Variants in DGKI observed in about 807,000 individuals in gnomAD.
The protein encoded by DGKI is DAG kinase iota.
DGKI carries 55 observed loss-of-function variants against 147.5 expected under a neutral mutation model. That is an observed-to-expected ratio of 0.37 (90% CI 0.30 to 0.47). DGKI has a LOEUF of 0.47. Ranked by LOEUF, DGKI falls within the 20% of genes least tolerant of loss-of-function variation. DGKI has a pLI of 1.00. For synonymous variants in DGKI, 469 were observed against 477.1 expected (o/e 0.98, Z 0.22); for missense variants, 1,007 against 1,323.8 (o/e 0.76, Z 3.71).
intron 10 of DGKI, among the ~76,000 whole-genome samples, chr7:137,602,559 A>G (rs1820031048): frequency 6.6e-6 from 1 of 152,228 alleles, no homozygotes; most frequent in Non-Finnish European, 1.5e-5. Flanking sequence ...AGTATCTAAA[A>G]GAAAGCGTTG....
chr7:137,631,214 T>TA (rs1236756891), intron 6 of DGKI, among the ~76,000 whole-genome samples: 2 of 152,220 alleles, frequency 1.3e-5, no homozygotes, highest in Non-Finnish European at 2.9e-5. Context: ...TGTGTAAACA[T>TA]AGACTATTTT....
At chr7:137,425,010 C>T (rs569753533) in intron 28 of DGKI, among the ~76,000 whole-genome samples, 251 of 145,364 alleles carry the variant, frequency 1.7e-3, no homozygotes, top group Non-Finnish European at 3.0e-3. Context: ...CTTAAATGTC[C>T]CTGTCTGACA....
intron 31 of DGKI, among the ~76,000 whole-genome samples, chr7:137,396,587 T>C (rs537791493): frequency 7.9e-5 from 12 of 152,330 alleles, no homozygotes; most frequent in Admixed American, 3.3e-4. Flanking sequence ...TATGGAGTGA[T>C]AGACAGCTTC....
intron 20 of DGKI, among the ~76,000 whole-genome samples, chr7:137,526,124 C>T (rs893481108): frequency 6.6e-6 from 1 of 152,106 alleles, no homozygotes; most frequent in Non-Finnish European, 1.5e-5. Flanking sequence ...GATGACAAAG[C>T]TGTTCTTTGG....
At chr7:137,711,242 T>G (rs1328613316) in intron 1 of DGKI, among the ~76,000 whole-genome samples, 1 of 152,170 alleles carries the variant, frequency 6.6e-6, no homozygotes. Context: ...GGAATTATAC[T>G]CCAGGATATG....
intron 32 of DGKI, among the ~76,000 whole-genome samples, chr7:137,392,017 C>A (rs1811383553): frequency 6.6e-6 from 1 of 152,144 alleles, no homozygotes; most frequent in African/African-American, 2.4e-5. Context: ...TACTAACCTT[C>A]CATTGATAAC....
At chr7:137,627,950 T>C (rs542538841) in intron 6 of DGKI, among the ~76,000 whole-genome samples, 1 of 152,362 alleles carries the variant, frequency 6.6e-6, no homozygotes, top group East Asian at 1.9e-4. Flanking sequence ...TAAGTGGTTA[T>C]AAGCATCAAA....
chr7:137,547,861 C>T (rs2128964169), intron 20 of DGKI, among the ~76,000 whole-genome samples: 1 of 152,286 alleles, frequency 6.6e-6, no homozygotes, highest in Middle Eastern at 3.4e-3. Context: ...AGTAGCATTT[C>T]AATGGGGTCC....
At chr7:137,457,825 C>G (rs1273918298) in intron 27 of DGKI, among the ~76,000 whole-genome samples, 1 of 151,890 alleles carries the variant, frequency 6.6e-6, no homozygotes, top group Non-Finnish European at 1.5e-5. Context: ...GAAGAAAATA[C>G]ACATAGAACA....
At chr7:137,763,181 G>A (rs953366500) in intron 1 of DGKI, among the ~76,000 whole-genome samples, 8 of 152,186 alleles carry the variant, frequency 5.3e-5, no homozygotes, top group African/African-American at 1.9e-4. Context: ...ATTTTTATAG[G>A]CAACAGAATG....
rs10523886 is a variant in DGKI, at chr7:137,642,929, A to AATGTGT, written c.804+2542_804+2543insACACAT. Among the ~76,000 whole-genome samples, 3 of 121,172 alleles carry AATGTGT rather than the reference A, an allele frequency of 2.5e-5. No individual in the cohort carries two copies. The South Asian group carries it at 9.1e-4, about 37-fold the overall frequency. 79.5% of individuals were successfully genotyped at this position (121,172 alleles called of 152,430 possible). A position where few individuals can be genotyped will look rare whatever the true frequency, so the allele number is the denominator to read the frequency against. Reference sequence around the variant, plus strand: ...CATCCCAATGAGTAAATTATGGAATAGTGTGTGTGTGTGTGTGTGTGTGTG... The same window carrying AATGTGT: ...CATCCCAATGAGTAAATTATGGAATAATGTGTGTGTGTGTGTGTGTGTGTGTGTGTG... On this transcript the variant is annotated intron_variant, in intron 6 of 32. Transcript: ENST00000614521.
chr7:137,826,769 C>T (rs758589443), intron 1 of DGKI, among the ~76,000 whole-genome samples: 1 of 152,084 alleles, frequency 6.6e-6, no homozygotes, highest in South Asian at 2.1e-4. Flanking sequence ...AGGGAAAGTG[C>T]CTAGCTCAGA....
chr7:137,777,159 T>G (rs556914807), intron 1 of DGKI, among the ~76,000 whole-genome samples: 2 of 152,238 alleles, frequency 1.3e-5, no homozygotes, highest in Non-Finnish European at 2.9e-5. Context: ...GCCACTGAGC[T>G]TCAGCCCAGG....
At chr7:137,629,515 T>C (rs767315268) in intron 6 of DGKI, among the ~76,000 whole-genome samples, 13 of 152,246 alleles carry the variant, frequency 8.5e-5, no homozygotes. Flanking sequence ...CTGTGATGTT[T>C]GGGCATTCCA....
intron 3 of DGKI, among the ~76,000 whole-genome samples, chr7:137,660,862 A>G (rs776435311): frequency 7.3e-5 from 11 of 150,828 alleles, no homozygotes; most frequent in Non-Finnish European, 1.2e-4. Flanking sequence ...AGGGTAGGAG[A>G]GAAGGGAGAG....
intron 1 of DGKI, among the ~76,000 whole-genome samples, chr7:137,731,282 C>A (rs1794877710): frequency 6.6e-6 from 1 of 152,076 alleles, no homozygotes; most frequent in Non-Finnish European, 1.5e-5. Flanking sequence ...GCTTATAATT[C>A]TCTAGATTAT....
At chr7:137,576,064 A>T (rs1818961846) in intron 17 of DGKI, among the ~76,000 whole-genome samples, 1 of 128,114 alleles carries the variant, frequency 7.8e-6, no homozygotes, top group African/African-American at 3.6e-5. Flanking sequence ...TTTTAGACGG[A>T]GTGTTGCTCT....
At chr7:137,393,299 T>C (rs1313761709) in intron 32 of DGKI, among the ~76,000 whole-genome samples, 1 of 152,142 alleles carries the variant, frequency 6.6e-6, no homozygotes, top group Non-Finnish European at 1.5e-5. Flanking sequence ...GAGTCTTTTA[T>C]CTGATTCAGA....
chr7:137,597,940 A>C, intron 11 of DGKI, 33 bp from the exon 12 acceptor site: 1 of 1,596,932 alleles, frequency 6.3e-7, no homozygotes. Flanking sequence ...AGTAAACAAA[A>C]GAACATTTCA....
Sources: allele counts gnomAD v4.1 joint callset (sites outside exome capture counted in the v4.1 genomes callset), GRCh38; gene constraint gnomAD v4.1.1; transcripts MANE v1.5; gene names NCBI Gene and HGNC (gene_info 2026-07-23, HGNC 2026-07-21).